Variants in HS6ST3 observed in about 807,000 individuals in gnomAD.
HS6ST3 encodes heparan-sulfate 6-O-sulfotransferase 3.
HS6ST3 carries 12 observed loss-of-function variants against 36.7 expected under a neutral mutation model. The ratio of observed to expected loss-of-function variants is 0.33; its 90% CI spans 0.21 to 0.53. HS6ST3 has a LOEUF of 0.53. HS6ST3 is among the 20% of genes least tolerant of loss of function. The pLI is 0.95. For synonymous variants in HS6ST3, 240 were observed against 257.5 expected (o/e 0.93, Z 0.65); for missense variants, 584 against 640.9 (o/e 0.91, Z 0.96).
intron 1 of HS6ST3, among the ~76,000 whole-genome samples, chr13:96,228,419 C>A (rs1020376085): frequency 1.3e-5 from 2 of 152,082 alleles, no homozygotes; most frequent in Non-Finnish European, 2.9e-5. Context: ...CCAGCTGCCA[C>A]CACACCCAGC....
intron 1 of HS6ST3, among the ~76,000 whole-genome samples, chr13:96,306,896 G>A (rs925536622): frequency 1.1e-4 from 16 of 152,166 alleles, no homozygotes; most frequent in African/African-American, 3.9e-4. Context: ...TTTATACCAA[G>A]CAGCTTTTGG....
intron 1 of HS6ST3, among the ~76,000 whole-genome samples, chr13:96,357,719 G>A (rs1304374987): frequency 1.3e-5 from 2 of 152,070 alleles, no homozygotes; most frequent in East Asian, 3.9e-4. Flanking sequence ...ACAGGTTCTC[G>A]GTATGTTAAC....
intron 1 of HS6ST3, among the ~76,000 whole-genome samples, chr13:96,770,111 G>A (rs1877225265): frequency 6.6e-6 from 1 of 152,100 alleles, no homozygotes; most frequent in African/African-American, 2.4e-5. Flanking sequence ...GGCTATTAGG[G>A]ACAGATATTC....
intron 1 of HS6ST3, among the ~76,000 whole-genome samples, chr13:96,313,862 A>G (rs1400608602): frequency 3.3e-5 from 5 of 152,102 alleles, no homozygotes; most frequent in Non-Finnish European, 7.4e-5. Context: ...TTAATTGTAG[A>G]CGAGATTGAC....
chr13:96,685,603 T>C (rs1352177094), intron 1 of HS6ST3, among the ~76,000 whole-genome samples: 1 of 152,034 alleles, frequency 6.6e-6, no homozygotes, highest in African/African-American at 2.4e-5. Context: ...TGAGGCATCA[T>C]GCAGTTAGGT....
rs1445366623 is a variant in HS6ST3 at position 96,834,833 on chromosome 13, C to T, written c.*1635C>T. 1 of 152,528 alleles carries T rather than the reference C, an allele frequency of 6.6e-6. No homozygotes were observed. The highest frequency in any genetic ancestry group is 1.5e-5 in the Non-Finnish European group (1 of 68,034). The allele number at this position is 152,528 out of a possible 1,614,324, so 9.4% of individuals were successfully genotyped here. A position where few individuals can be genotyped will look rare whatever the true frequency, so the allele number is the denominator to read the frequency against. On this transcript the variant is annotated 3_prime_UTR_variant, in exon 2 of 2. Transcript: ENST00000376705. ...GCATTCACAGAGTGCTTACCTGCCC[C>T]GAGGGAAGTCCAGCAGCTCCACCAG... is the stretch of plus-strand genomic sequence containing the variant.
At chr13:96,524,695 TG>T (rs2056107021) in intron 1 of HS6ST3, among the ~76,000 whole-genome samples, 1 of 152,220 alleles carries the variant, frequency 6.6e-6, no homozygotes, top group Admixed American at 6.5e-5. Context: ...CCAGGCCGGT[TG>T]CAAAGACTGT....
intron 1 of HS6ST3, among the ~76,000 whole-genome samples, chr13:96,297,712 T>G (rs1051841305): frequency 3.9e-5 from 6 of 152,170 alleles, no homozygotes; most frequent in African/African-American, 1.4e-4. Context: ...AAAAGATGTG[T>G]CCCAGATGAA....
At chr13:96,773,875 C>T (rs1239517026) in intron 1 of HS6ST3, among the ~76,000 whole-genome samples, 1 of 152,194 alleles carries the variant, frequency 6.6e-6, no homozygotes, top group African/African-American at 2.4e-5. Context: ...CCTGTGTCTC[C>T]TGACTGGGAG....
intron 1 of HS6ST3, among the ~76,000 whole-genome samples, chr13:96,693,493 G>A (rs1189828291): frequency 6.6e-6 from 1 of 152,064 alleles, no homozygotes; most frequent in African/African-American, 2.4e-5. Flanking sequence ...TATAGAGATG[G>A]AGTTTCACCA....
intron 1 of HS6ST3, among the ~76,000 whole-genome samples, chr13:96,426,286 CAGCTCGTAA>C (rs2055586758): frequency 6.6e-6 from 1 of 151,918 alleles, no homozygotes; most frequent in African/African-American, 2.4e-5. Flanking sequence ...TTTTTGAATC[CAGCTCGTAA>C]AGCCTATAAT....
intron 1 of HS6ST3, among the ~76,000 whole-genome samples, chr13:96,348,063 C>T (rs1421054502): frequency 6.6e-6 from 1 of 152,118 alleles, no homozygotes. Context: ...ATTTAAATGT[C>T]AACACTATGC....
At chr13:96,541,273 A>G (rs946960476) in intron 1 of HS6ST3, among the ~76,000 whole-genome samples, 5 of 152,100 alleles carry the variant, frequency 3.3e-5, no homozygotes, top group Middle Eastern at 6.8e-3. Context: ...CTGACCTCAA[A>G]TGATCCACCC....
In HS6ST3 at chr13:96,619,389, T is replaced by G. The variant is rs953277313; in HGVS notation, c.708-213101T>G. On this transcript the variant is annotated intron_variant, in intron 1 of 1. Coordinates refer to ENST00000376705, the MANE Select transcript of HS6ST3 (RefSeq NM_153456.4). ...TTCTGGAATGTAGAGTTATCTGACT[T>G]TTTTCTGGTTTAATGATAGTAGTGC... 2.6e-5 allele frequency among the ~76,000 whole-genome samples: 4 copies of G among 152,206 alleles called. No homozygotes were observed. The South Asian group carries it at 8.3e-4, about 32-fold the overall frequency.
At chr13:96,716,275 A>C (rs1008112162) in intron 1 of HS6ST3, among the ~76,000 whole-genome samples, 2 of 152,154 alleles carry the variant, frequency 1.3e-5, no homozygotes, top group Non-Finnish European at 2.9e-5. Context: ...AATTAATCCA[A>C]ACAGATAACT....
chr13:96,606,486 A>C (rs1337963959), intron 1 of HS6ST3, among the ~76,000 whole-genome samples: 1 of 152,086 alleles, frequency 6.6e-6, no homozygotes, highest in Non-Finnish European at 1.5e-5. Context: ...AAAACCAAAT[A>C]GTATATGTTC....
intron 1 of HS6ST3, among the ~76,000 whole-genome samples, chr13:96,566,995 T>G (rs1336266463): frequency 6.6e-6 from 1 of 152,164 alleles, no homozygotes; most frequent in Non-Finnish European, 1.5e-5. Context: ...AAAATAACTA[T>G]GTTCCATAAG....
intron 1 of HS6ST3, among the ~76,000 whole-genome samples, chr13:96,429,172 A>T (rs1163607509): frequency 1.3e-5 from 2 of 152,230 alleles, no homozygotes; most frequent in Non-Finnish European, 2.9e-5. Context: ...GACAGTGACC[A>T]GCTGTTTCGA....
intron 1 of HS6ST3, among the ~76,000 whole-genome samples, chr13:96,188,693 G>T (rs879846658): frequency 2.0e-5 from 3 of 152,118 alleles, no homozygotes; most frequent in Non-Finnish European, 4.4e-5. Context: ...AATCATTGCA[G>T]AGTAATTTTT....
Sources: gnomAD v4.1 joint callset for allele counts (sites outside exome capture counted in the v4.1 genomes callset) on GRCh38, gnomAD v4.1.1 for gene constraint, MANE v1.5 for transcripts, NCBI Gene and HGNC (gene_info 2026-07-23, HGNC 2026-07-21) for gene names.